Variants in TTLL11 observed in about 807,000 individuals in gnomAD.
The protein encoded by TTLL11 is tubulin polyglutamylase TTLL11.
In TTLL11, 42 loss-of-function variants were observed where a neutral mutation model predicts 51.7. The ratio of observed to expected loss-of-function variants is 0.81; its 90% confidence interval spans 0.64 to 1.05. The LOEUF (loss-of-function observed/expected upper bound fraction) is 1.05. TTLL11 is among the 50% of genes least tolerant of loss of function. The pLI is 0.00. For synonymous variants in TTLL11, 381 were observed against 383.5 expected, an observed-to-expected ratio of 0.99 and a Z score of 0.08; for missense variants, 799 against 940.4, an observed-to-expected ratio of 0.85 and a Z score of 1.97.
intron 1 of TTLL11, among the ~76,000 whole-genome samples, chr9:122,041,636 C>T (rs145332988): frequency 4.2e-3 from 634 of 151,658 alleles, no homozygotes; most frequent in Non-Finnish European, 6.3e-3. Flanking sequence ...AGGAGCAATC[C>T]AAAAAGGACC....
chr9:121,912,194 A>C (rs1400129653), intron 6 of TTLL11, among the ~76,000 whole-genome samples: 1 of 152,168 alleles, frequency 6.6e-6, no homozygotes, highest in Non-Finnish European at 1.5e-5. Flanking sequence ...GCTAGATCCA[A>C]CTCAAATCTG....
intron 8 of TTLL11, among the ~76,000 whole-genome samples, chr9:121,854,528 A>G (rs1297114210): frequency 1.3e-5 from 2 of 152,200 alleles, no homozygotes; most frequent in East Asian, 1.9e-4. Flanking sequence ...CAAAGTTCAG[A>G]AGCCCCCAGA....
intron 6 of TTLL11, among the ~76,000 whole-genome samples, chr9:121,944,980 C>T (rs983662760): frequency 2.0e-4 from 30 of 152,144 alleles, no homozygotes; most frequent in Non-Finnish European, 4.1e-4. Flanking sequence ...ACTGGAAATG[C>T]TTGTTTTCAG....
intron 6 of TTLL11, among the ~76,000 whole-genome samples, chr9:121,947,289 GT>G (rs568038038): frequency 2.0e-5 from 3 of 152,076 alleles, no homozygotes; most frequent in African/African-American, 7.2e-5. Context: ...GTTTTGTTTT[GT>G]TTTTTGAAAC....
chr9:121,948,451 C>T (rs1361305311), intron 6 of TTLL11, among the ~76,000 whole-genome samples: 3 of 152,198 alleles, frequency 2.0e-5, no homozygotes, highest in Non-Finnish European at 4.4e-5. Context: ...TTGTAGGTAG[C>T]TACTGTTCAT....
intron 6 of TTLL11, among the ~76,000 whole-genome samples, chr9:121,886,990 G>A (rs1839034266): frequency 6.6e-6 from 1 of 152,150 alleles, no homozygotes; most frequent in Non-Finnish European, 1.5e-5. Flanking sequence ...AGCCAGCAGA[G>A]ATGTTGGTGT....
At chr9:121,878,674 C>T (rs1838660089) in intron 6 of TTLL11, among the ~76,000 whole-genome samples, 1 of 152,228 alleles carries the variant, frequency 6.6e-6, no homozygotes, top group African/African-American at 2.4e-5. Context: ...TCACTGCGCC[C>T]AGCCCTCTCA....
At chr9:121,954,282 A>C (rs962732234) in intron 6 of TTLL11, among the ~76,000 whole-genome samples, 5 of 152,232 alleles carry the variant, frequency 3.3e-5, no homozygotes, top group African/African-American at 1.2e-4. Context: ...GATCTCTCAT[A>C]AACAAACAAG....
At chr9:121,868,574 T>C (rs1303051161) in intron 7 of TTLL11, among the ~76,000 whole-genome samples, 1 of 152,044 alleles carries the variant, frequency 6.6e-6, no homozygotes. Flanking sequence ...CTTGTGACCA[T>C]AAGACAACCC....
intron 6 of TTLL11, among the ~76,000 whole-genome samples, chr9:121,893,963 C>T (rs894680526): frequency 2.0e-5 from 3 of 152,138 alleles, no homozygotes; most frequent in Non-Finnish European, 4.4e-5. Context: ...CTCCAAAGCT[C>T]TAAGGGGCTG....
intron 2 of TTLL11, among the ~76,000 whole-genome samples, chr9:122,034,140 G>T (rs1381526312): frequency 6.6e-6 from 1 of 152,126 alleles, no homozygotes; most frequent in Non-Finnish European, 1.5e-5. Flanking sequence ...ATAGTGTTGT[G>T]GTATTTTCTG....
At chr9:121,873,513 T>C (rs1014837662) in intron 6 of TTLL11, among the ~76,000 whole-genome samples, 19 of 151,816 alleles carry the variant, frequency 1.3e-4, no homozygotes, top group Non-Finnish European at 2.6e-4. Context: ...GGTTTCACCA[T>C]GTTGGTCAGG....
chr9:121,968,970 A>G (rs951700650), intron 6 of TTLL11, among the ~76,000 whole-genome samples: 5 of 151,904 alleles, frequency 3.3e-5, no homozygotes, highest in Non-Finnish European at 5.9e-5. Context: ...CCCAGGTTCA[A>G]GCGATTCTCC....
At position 121,890,760 on chromosome 9, in the gene TTLL11, A is replaced by G. The variant is rs1170792693; in HGVS notation, c.1482-20012T>C. ...TCCTGGTGCAGAGTAAGTGCTCAAT[A>G]AACACTGGCTAGGTGCATGAATGCA... is the stretch of plus-strand genomic sequence containing the variant. On this transcript the variant is annotated intron_variant, in intron 6 of 8. Coordinates refer to ENST00000321582, the MANE Select transcript of TTLL11 (RefSeq NM_001139442.2). The surrounding 1 kb of genome is among the most constrained non-coding windows in gnomAD (Gnocchi z 4.3). 6.6e-6 allele frequency among the ~76,000 whole-genome samples: 1 copy of G among 152,198 alleles called. No individual in the cohort carries two copies. Among genetic ancestry groups the G allele is most frequent in the East Asian group, 1.9e-4 (1 of 5,194 alleles).
At chr9:121,921,358 G>A (rs569070812) in intron 6 of TTLL11, among the ~76,000 whole-genome samples, 4 of 152,316 alleles carry the variant, frequency 2.6e-5, no homozygotes, top group African/African-American at 9.6e-5. Flanking sequence ...AGATTAAGGA[G>A]CAATTAACCC....
chr9:121,835,866 A>G (rs1837166033), intron 8 of TTLL11, among the ~76,000 whole-genome samples: 1 of 152,166 alleles, frequency 6.6e-6, no homozygotes, highest in South Asian at 2.1e-4. Context: ...TGTTGTGGAC[A>G]TTTCTCGAGA....
At position 121,989,650 on chromosome 9, in the gene TTLL11, C is replaced by T; in HGVS notation, c.814G>A (p.Gly272Arg). ...ACCGCTGGCCTGCTCTGGAGGGTCCCTGCCAGGCGGATGTCACTGGGGTCT... is the reference window on the plus strand; with the variant it reads ...ACCGCTGGCCTGCTCTGGAGGGTCCTTGCCAGGCGGATGTCACTGGGGTCT... Reference protein sequence around the residue: ...IKDPSDIRLAGTLQSRPAVVQ... With the variant: ...IKDPSDIRLARTLQSRPAVVQ... The change falls in exon 4 of 9, where the codon GGG becomes AGG. Residue 272 changes from glycine (G) to arginine (R), a missense_variant. Physicochemically the swap from Gly to Arg is moderately radical, Grantham distance 125. Transcript: ENST00000321582. The surrounding 1 kb of genome is among the most constrained non-coding windows in gnomAD (Gnocchi z 4.2). 2 of 1,614,182 alleles carry T rather than the reference C, an allele frequency of 1.2e-6. No individual in the cohort carries two copies. Among genetic ancestry groups the T allele is most frequent in the Non-Finnish European group, 1.7e-6 (2 of 1,180,036 alleles).
chr9:121,836,095 T>G (rs1415433760), intron 8 of TTLL11, among the ~76,000 whole-genome samples: 5 of 152,220 alleles, frequency 3.3e-5, no homozygotes, highest in Non-Finnish European at 4.4e-5. Flanking sequence ...ATGGGCACCT[T>G]TTGTTTAATC....
chr9:122,007,166 C>A (rs565147690), intron 3 of TTLL11, among the ~76,000 whole-genome samples: 1 of 151,844 alleles, frequency 6.6e-6, no homozygotes, highest in Non-Finnish European at 1.5e-5. Context: ...GAATGACACC[C>A]CTGTAGCAAT....
Sources: allele counts gnomAD v4.1 joint callset (sites outside exome capture counted in the v4.1 genomes callset), GRCh38; gene constraint gnomAD v4.1.1; non-coding constraint Gnocchi (gnomAD v3.1); transcripts MANE v1.5; gene names NCBI Gene and HGNC (gene_info 2026-07-23, HGNC 2026-07-21).